PARD3B: variants seen among roughly 807,000 people sequenced by gnomAD.
The protein encoded by PARD3B is partitioning defective 3 homolog B.
PARD3B carries 103 observed loss-of-function variants against 130.2 expected under a neutral mutation model. The ratio of observed to expected loss-of-function variants is 0.79; its 90% CI spans 0.67 to 0.93. PARD3B has a LOEUF of 0.93. PARD3B is among the 40% of genes least tolerant of loss of function. The probability of loss-of-function intolerance (pLI) is 0.00; values close to 1 mark genes in which losing one functional copy is unlikely to be tolerated. For missense variants in PARD3B, 1,609 were observed against 1,499.2 expected, an observed-to-expected ratio of 1.07 and a Z score of -1.21; for synonymous variants, 583 against 553.2, an observed-to-expected ratio of 1.05 and a Z score of -0.76.
chr2:204,991,071 TC>T (rs1487673677), intron 3 of PARD3B, among the ~76,000 whole-genome samples: 1 of 150,680 alleles, frequency 6.6e-6, no homozygotes, highest in Non-Finnish European at 1.5e-5. Context: ...CAGTTGTCAT[TC>T]TTTTTTTTTT....
intron 16 of PARD3B, among the ~76,000 whole-genome samples, chr2:205,255,057 A>G (rs991692753): frequency 2.0e-5 from 3 of 151,780 alleles, no homozygotes; most frequent in African/African-American, 7.3e-5. Flanking sequence ...ATCACCCTCC[A>G]TCTACAGGTT....
chr2:205,389,985 A>G (rs985021660), intron 18 of PARD3B, among the ~76,000 whole-genome samples: 2 of 152,204 alleles, frequency 1.3e-5, no homozygotes, highest in Admixed American at 6.5e-5. Context: ...ATGGAAAACA[A>G]AACAAACTTT....
Position 205,197,978 on chromosome 2 carries a change from CTT to C in PARD3B, c.2140+4662_2140+4663del, listed in dbSNP as rs1325583832. Among the ~76,000 whole-genome samples the C allele has an allele frequency of 4.6e-5, 7 of 152,290 alleles. No individual in the cohort carries two copies. The East Asian group carries it at 1.4e-3, about 29-fold the overall frequency. The stretch of plus-strand genomic sequence containing the variant: ...TATGCCAGGAAGTTACATTCAAAGA[CTT>C]TTTGATGAGGCATAAAAATCTTTAA... On this transcript the variant is annotated intron_variant, in intron 15 of 22. Transcript: ENST00000406610.
At chr2:204,808,561 A>G (rs575089014) in intron 2 of PARD3B, among the ~76,000 whole-genome samples, 154 of 152,138 alleles carry the variant, frequency 1.0e-3, no homozygotes, top group Middle Eastern at 3.4e-3. Flanking sequence ...TTAGCTCCCA[A>G]TTATAAGCAA....
intron 1 of PARD3B, among the ~76,000 whole-genome samples, chr2:204,602,798 A>G (rs2033567454): frequency 6.6e-6 from 1 of 152,054 alleles, no homozygotes; most frequent in Admixed American, 6.6e-5. Context: ...TTGATACTCT[A>G]AGTGTCTCCC....
At chr2:205,077,771 G>A (rs1701161062) in intron 4 of PARD3B, among the ~76,000 whole-genome samples, 1 of 152,046 alleles carries the variant, frequency 6.6e-6, no homozygotes, top group South Asian at 2.1e-4. Context: ...TAGAACACAT[G>A]AGCATTAAGA....
At chr2:205,395,973 C>G (rs967138341) in intron 18 of PARD3B, among the ~76,000 whole-genome samples, 1 of 152,186 alleles carries the variant, frequency 6.6e-6, no homozygotes, top group African/African-American at 2.4e-5. Flanking sequence ...TTCTCTCACA[C>G]CTGTCCCCAT....
chr2:204,623,748 T>C lies in PARD3B; in HGVS notation c.121-62433T>C, dbSNP rs1429440398. Among the ~76,000 whole-genome samples the C allele has an allele frequency of 6.6e-6, 1 of 152,128 alleles. No homozygotes were observed. Among genetic ancestry groups the C allele is most frequent in the East Asian group, 1.9e-4 (1 of 5,194 alleles). ...TATTGGCATAATGCTCCACAGCAGG[T>C]CTCTAGAACTGAATTATGTTGCATA... is the stretch of plus-strand genomic sequence containing the variant. On this transcript the variant is annotated intron_variant, in intron 1 of 22. Coordinates refer to ENST00000406610, the MANE Select transcript of PARD3B (RefSeq NM_001302769.2). The surrounding 1 kb of genome is among the most constrained non-coding windows in gnomAD (Gnocchi z 4.5).
In PARD3B at chr2:204,675,153, A is replaced by G. The variant is rs942476092; in HGVS notation, c.121-11028A>G. 8.5e-5 allele frequency among the ~76,000 whole-genome samples: 13 copies of G among 152,134 alleles called. No homozygotes were observed. The highest frequency in any genetic ancestry group is 3.1e-4 in the African/African-American group (13 of 41,430). On this transcript the variant is annotated intron_variant, in intron 1 of 22. Coordinates refer to ENST00000406610, the MANE Select transcript of PARD3B (RefSeq NM_001302769.2). The surrounding 1 kb of genome is among the most constrained non-coding windows in gnomAD (Gnocchi z 4.4). The stretch of plus-strand genomic sequence containing the variant: ...TTGGAAACAAATAATGGAAAACAGG[A>G]TTTTTAAAAAATCAGCTGTTTTCTT...
chr2:205,243,114 C>G (rs569456339), intron 15 of PARD3B, among the ~76,000 whole-genome samples: 1 of 151,804 alleles, frequency 6.6e-6, no homozygotes, highest in East Asian at 1.9e-4. Context: ...TGCAGTGAGA[C>G]GAGATCGTGC....
At chr2:204,647,865 A>G in intron 1 of PARD3B, among the ~76,000 whole-genome samples, 1 of 151,688 alleles carries the variant, frequency 6.6e-6, no homozygotes, top group Non-Finnish European at 1.5e-5. Context: ...CTTAAAGGAG[A>G]TATTAAACTT....
At chr2:205,226,208 A>AT (rs1207600657) in intron 15 of PARD3B, among the ~76,000 whole-genome samples, 1 of 152,004 alleles carries the variant, frequency 6.6e-6, no homozygotes, top group Non-Finnish European at 1.5e-5. Context: ...CGCCCGGCTA[A>AT]TTTTTTGTGT....
In PARD3B at chr2:205,525,553, CAT is replaced by C. The variant is rs1221496364; in HGVS notation, c.3180+25524_3180+25525del. 1.3e-5 allele frequency among the ~76,000 whole-genome samples: 2 copies of C among 152,136 alleles called. No homozygotes were observed. The highest frequency in any genetic ancestry group is 6.5e-5 in the Admixed American group (1 of 15,270). ...TAAAAAACAAAGTTCCTGCTATAAA[CAT>C]AGGGGTATTGGTTGCATGACTTTAT... On this transcript the variant is annotated intron_variant, in intron 21 of 22. Transcript: ENST00000406610. This position sits in a 1 kb window ranked among gnomAD's most constrained non-coding sequence, Gnocchi z 4.2.
chr2:204,935,380 A>C lies in PARD3B; in HGVS notation c.223-29772A>C, dbSNP rs1183036426. 4.2e-4 allele frequency among the ~76,000 whole-genome samples: 63 copies of C among 148,802 alleles called. 2 individuals are homozygous for C. Among genetic ancestry groups the C allele is most frequent in the African/African-American group, 1.4e-3 (59 of 41,158 alleles). Reference sequence around the variant, plus strand: ...CTGTCTCTACTAAAAATACAAAAAAAAAAAAAAAATTAGCCTGGCATGGTG... The same window carrying C: ...CTGTCTCTACTAAAAATACAAAAAACAAAAAAAAATTAGCCTGGCATGGTG... On this transcript the variant is annotated intron_variant, in intron 2 of 22. Transcript: ENST00000406610.
At chr2:205,090,274 C>T (rs1178349166) in intron 4 of PARD3B, among the ~76,000 whole-genome samples, 3 of 152,082 alleles carry the variant, frequency 2.0e-5, no homozygotes, top group Non-Finnish European at 4.4e-5. Flanking sequence ...TTTGTTCATA[C>T]CAAGGGAAGG....
At chr2:205,422,621 TA>T (rs952367007) in intron 19 of PARD3B, among the ~76,000 whole-genome samples, 1 of 151,988 alleles carries the variant, frequency 6.6e-6, no homozygotes, top group African/African-American at 2.4e-5. Flanking sequence ...CTAACCACAA[TA>T]AAAAAAATGC....
intron 18 of PARD3B, among the ~76,000 whole-genome samples, chr2:205,365,382 G>GAA (rs11401922): frequency 0.57 from 82,439 of 143,842 alleles, 26,738 homozygotes; most frequent in South Asian, 0.75. Context: ...CTCCGTCTCA[G>GAA]AAAAAAAAAA....
At chr2:204,881,389 T>C (rs1444938835) in intron 2 of PARD3B, among the ~76,000 whole-genome samples, 1 of 152,244 alleles carries the variant, frequency 6.6e-6, no homozygotes, top group African/African-American at 2.4e-5. Context: ...TTGAAAGCTC[T>C]TTCTTCAGCA....
At chr2:205,428,791 CT>C (rs1259062359) in intron 19 of PARD3B, among the ~76,000 whole-genome samples, 3 of 151,908 alleles carry the variant, frequency 2.0e-5, no homozygotes, top group Admixed American at 6.6e-5. Context: ...AACATATGGG[CT>C]TTTTTTCCCC....
Sources: allele counts gnomAD v4.1 joint callset (sites outside exome capture counted in the v4.1 genomes callset), GRCh38; gene constraint gnomAD v4.1.1; non-coding constraint Gnocchi (gnomAD v3.1); transcripts MANE v1.5; gene names NCBI Gene and HGNC (gene_info 2026-07-23, HGNC 2026-07-21).